SUMF1: variants seen among roughly 807,000 people sequenced by gnomAD.
SUMF1 encodes the protein formylglycine-generating enzyme.
In SUMF1, 48 loss-of-function variants were observed where a neutral mutation model predicts 47.6. The ratio of observed to expected loss-of-function variants is 1.01; its 90% CI spans 0.80 to 1.28. SUMF1 has a LOEUF of 1.28. Among genes scored for constraint, SUMF1 ranks in the 50% most tolerant of loss-of-function variants. The pLI is 0.00. For synonymous variants in SUMF1, 230 were observed against 192.1 expected, an observed-to-expected ratio of 1.20 and a Z score of -1.63; for missense variants, 571 against 485.4, an observed-to-expected ratio of 1.18 and a Z score of -1.66.
At chr3:4,181,064 G>T (rs1410344539) in intron 8 of SUMF1, among the ~76,000 whole-genome samples, 1 of 152,156 alleles carries the variant, frequency 6.6e-6, no homozygotes, top group Non-Finnish European at 1.5e-5. Context: ...ATCCATATCA[G>T]AAATGGATAA....
At chr3:4,258,057 A>C (rs943457895) in intron 8 of SUMF1, among the ~76,000 whole-genome samples, 1 of 151,786 alleles carries the variant, frequency 6.6e-6, no homozygotes, top group South Asian at 2.1e-4. Flanking sequence ...CTGGCTAGCC[A>C]TATGCAGAAA....
chr3:4,381,631 C>G (rs1700507393), intron 7 of SUMF1, among the ~76,000 whole-genome samples: 1 of 152,220 alleles, frequency 6.6e-6, no homozygotes, highest in Non-Finnish European at 1.5e-5. Flanking sequence ...CAGCATCAAG[C>G]ATTTATTCTG....
At chr3:4,061,383 C>T (rs1265269667) in intron 9 of SUMF1, among the ~76,000 whole-genome samples, 3 of 152,136 alleles carry the variant, frequency 2.0e-5, no homozygotes, top group African/African-American at 7.2e-5. Flanking sequence ...ATCTCTCACC[C>T]ATCATGATTG....
intron 9 of SUMF1, among the ~76,000 whole-genome samples, chr3:4,037,745 C>T (rs926609209): frequency 6.6e-6 from 1 of 152,156 alleles, no homozygotes; most frequent in African/African-American, 2.4e-5. Flanking sequence ...TTTGGGTTGC[C>T]AGAGTTCTTA....
At chr3:4,322,704 G>A (rs553518084) in intron 8 of SUMF1, among the ~76,000 whole-genome samples, 1 of 151,840 alleles carries the variant, frequency 6.6e-6, no homozygotes, top group East Asian at 1.9e-4. Flanking sequence ...TATAAGCATT[G>A]ACAAGGATGT....
intron 8 of SUMF1, among the ~76,000 whole-genome samples, chr3:4,277,332 C>T (rs2125042646): frequency 6.6e-6 from 1 of 152,200 alleles, no homozygotes; most frequent in African/African-American, 2.4e-5. Flanking sequence ...TTTCCATTAC[C>T]TTATCAACAT....
chr3:4,180,258 G>A lies in SUMF1; in HGVS notation c.1015-111513C>T, dbSNP rs140575608. 2.9e-3 allele frequency among the ~76,000 whole-genome samples: 436 copies of A among 152,130 alleles called. 3 individuals carry two copies. Among genetic ancestry groups the A allele is most frequent in the African/African-American group, 9.7e-3 (403 of 41,500 alleles). ...ACATATGCACACGTATGTTTATTGCGGCACTATTCACAATAGCAAAGGCTT... is the reference window on the plus strand; with the variant it reads ...ACATATGCACACGTATGTTTATTGCAGCACTATTCACAATAGCAAAGGCTT... On this transcript the variant is annotated intron_variant and NMD_transcript_variant, in intron 8 of 12. Coordinates refer to the SUMF1 transcript ENST00000448413.
At chr3:4,037,668 T>C (rs956972094) in intron 9 of SUMF1, among the ~76,000 whole-genome samples, 8 of 152,218 alleles carry the variant, frequency 5.3e-5, no homozygotes, top group Admixed American at 3.3e-4. Context: ...TTCAGACAAC[T>C]CAGCTGGTTA....
At chr3:4,250,304 G>A (rs1696768458) in intron 8 of SUMF1, among the ~76,000 whole-genome samples, 1 of 147,124 alleles carries the variant, frequency 6.8e-6, no homozygotes, top group Non-Finnish European at 1.5e-5. Context: ...GGGAAGGAGG[G>A]AAGGAGGGAG....
At chr3:4,292,939 T>C (rs890642463) in intron 8 of SUMF1, among the ~76,000 whole-genome samples, 1 of 152,206 alleles carries the variant, frequency 6.6e-6, no homozygotes, top group Non-Finnish European at 1.5e-5. Context: ...TTATATTCAA[T>C]GTTCTTCTAA....
At chr3:4,168,019 T>C (rs1694750632) in intron 8 of SUMF1, among the ~76,000 whole-genome samples, 2 of 152,186 alleles carry the variant, frequency 1.3e-5, no homozygotes, top group South Asian at 4.1e-4. Flanking sequence ...TACATGCATA[T>C]TTATTGTGCT....
chr3:4,089,982 T>C (rs1692749564), intron 8 of SUMF1, among the ~76,000 whole-genome samples: 1 of 152,100 alleles, frequency 6.6e-6, no homozygotes, highest in South Asian at 2.1e-4. Context: ...CACAATTATC[T>C]TTTTATTCAT....
intron 8 of SUMF1, among the ~76,000 whole-genome samples, chr3:4,245,828 A>G (rs531231981): frequency 2.0e-4 from 30 of 152,324 alleles, no homozygotes; most frequent in African/African-American, 7.2e-4. Context: ...CCTTTGGTTC[A>G]GATATGCCCT....
At chr3:4,338,658 G>A (rs984225628) in intron 8 of SUMF1, among the ~76,000 whole-genome samples, 1 of 152,022 alleles carries the variant, frequency 6.6e-6, no homozygotes, top group African/African-American at 2.4e-5. Context: ...GGTCTCATAA[G>A]GGAAAAACCA....
chr3:4,417,949 T>C, intron 5 of SUMF1, 61 bp downstream of exon 5: 2 of 1,612,770 alleles, frequency 1.2e-6, no homozygotes, highest in East Asian at 2.2e-5. Flanking sequence ...GAGTTTTTTG[T>C]TGTTGTTTGT....
At chr3:4,441,875 C>T (rs1020200355) in intron 3 of SUMF1, among the ~76,000 whole-genome samples, 4 of 152,264 alleles carry the variant, frequency 2.6e-5, no homozygotes, top group South Asian at 2.1e-4. Flanking sequence ...CGCCTCTCTA[C>T]GTATAAAACC....
At chr3:4,438,983 G>A (rs187638340) in intron 3 of SUMF1, among the ~76,000 whole-genome samples, 21 of 152,216 alleles carry the variant, frequency 1.4e-4, no homozygotes, top group Non-Finnish European at 2.9e-4. Context: ...TTAGATCTCA[G>A]GACCAAATGA....
At chr3:4,426,386 C>T (rs986368130) in intron 3 of SUMF1, among the ~76,000 whole-genome samples, 3 of 152,200 alleles carry the variant, frequency 2.0e-5, no homozygotes, top group Admixed American at 6.5e-5. Context: ...ATTCATCCTG[C>T]GCAAGTTTCC....
At chr3:4,334,713 T>C (rs1699111597) in intron 8 of SUMF1, among the ~76,000 whole-genome samples, 1 of 152,244 alleles carries the variant, frequency 6.6e-6, no homozygotes. Flanking sequence ...ATCAAACCCA[T>C]GCAGTGGAGG....
Sources: gnomAD v4.1 joint callset for allele counts (sites outside exome capture counted in the v4.1 genomes callset) on GRCh38, gnomAD v4.1.1 for gene constraint, MANE v1.5 for transcripts, NCBI Gene and HGNC (gene_info 2026-07-23, HGNC 2026-07-21) for gene names.